Variants in SIPA1L2 observed in about 807,000 individuals in gnomAD.
SIPA1L2 encodes signal induced proliferation associated 1 like 2.
In SIPA1L2, 56 loss-of-function variants were observed where a neutral mutation model predicts 163.9. The ratio of observed to expected loss-of-function variants is 0.34; its 90% CI spans 0.28 to 0.43. The LOEUF (loss-of-function observed/expected upper bound fraction) is 0.43. SIPA1L2 is among the 20% of genes least tolerant of loss of function. The pLI is 1.00. For missense variants in SIPA1L2, 1,974 were observed against 2,193.5 expected (o/e 0.90, Z 2.00); for synonymous variants, 877 against 865.7 (o/e 1.01, Z -0.23).
At chr1:232,462,834 C>T (rs1664311826) in intron 9 of SIPA1L2, among the ~76,000 whole-genome samples, 1 of 152,198 alleles carries the variant, frequency 6.6e-6, no homozygotes, top group African/African-American at 2.4e-5. Flanking sequence ...AGTCCTCCAG[C>T]TCTGGCTCTT....
intron 2 of SIPA1L2, among the ~76,000 whole-genome samples, chr1:232,532,563 G>T (rs995290421): frequency 6.6e-6 from 1 of 152,120 alleles, no homozygotes; most frequent in Non-Finnish European, 1.5e-5. Context: ...AATAAATGCT[G>T]ACTTACCTTG....
chr1:232,512,476 C>A (rs1317639855), intron 3 of SIPA1L2, among the ~76,000 whole-genome samples: 1 of 152,082 alleles, frequency 6.6e-6, no homozygotes, highest in Admixed American at 6.5e-5. Flanking sequence ...AACCCCAATG[C>A]CCATCAATGA....
chr1:232,478,454 T>C (rs916687890), intron 7 of SIPA1L2, among the ~76,000 whole-genome samples: 1 of 151,932 alleles, frequency 6.6e-6, no homozygotes, highest in South Asian at 2.1e-4. Context: ...GAAGGGGAGG[T>C]AGTTGGCTGG....
chr1:232,422,942 G>A (rs992696227), intron 18 of SIPA1L2, among the ~76,000 whole-genome samples: 3 of 152,172 alleles, frequency 2.0e-5, no homozygotes, highest in Non-Finnish European at 2.9e-5. Context: ...ATTAAAACCT[G>A]TCTTGAGTAG....
chr1:232,465,385 G>T lies in SIPA1L2; in HGVS notation c.2275C>A (p.Pro759Thr), dbSNP rs777108018. Residue 759 changes from proline (P) to threonine (T), a missense_variant, in exon 9 of 23, where the codon CCA becomes ACA. Coordinates refer to ENST00000674635, the MANE Select transcript of SIPA1L2 (RefSeq NM_020808.5). This position sits in a 1 kb window ranked among gnomAD's most constrained non-coding sequence, Gnocchi z 4.1. The part of the protein sequence containing the change: ...VGVSRSKDVP[P>T]FGPPIPKGVT... Reference sequence around the variant, plus strand: ...CCTTTGGGAATCGGTGGGCCAAATGGTGGCACATCTTTTGATCTGGAAACT... The same window carrying T: ...CCTTTGGGAATCGGTGGGCCAAATGTTGGCACATCTTTTGATCTGGAAACT... 2 of 1,611,504 alleles carry T rather than the reference G, an allele frequency of 1.2e-6. No individual in the cohort carries two copies.
chr1:232,540,163 G>A (rs1226597990), intron 2 of SIPA1L2, among the ~76,000 whole-genome samples: 1 of 152,082 alleles, frequency 6.6e-6, no homozygotes, highest in African/African-American at 2.4e-5. Context: ...ATTTAGCCGG[G>A]CGTGGTGGTG....
At chr1:232,472,498 C>T (rs757996807) in intron 7 of SIPA1L2, among the ~76,000 whole-genome samples, 2 of 152,236 alleles carry the variant, frequency 1.3e-5, no homozygotes, top group Non-Finnish European at 2.9e-5. Flanking sequence ...TGACACATCA[C>T]ATTATGCATT....
rs183602271 is a variant in SIPA1L2 at position 232,428,999 on chromosome 1, G to A, written c.4257-435C>T. 2.4e-3 allele frequency among the ~76,000 whole-genome samples: 358 copies of A among 152,286 alleles called. 3 individuals carry two copies. Among genetic ancestry groups the A allele is most frequent in the African/African-American group, 8.2e-3 (339 of 41,554 alleles). ...AGGCAACAGAGAGGAAGCCACCCGA[G>A]GGAGCCCGGGGTTTACGAGTCATCA... On this transcript the variant is annotated intron_variant, in intron 16 of 22. Coordinates refer to ENST00000674635, the MANE Select transcript of SIPA1L2 (RefSeq NM_020808.5).
chr1:232,408,139 A>G (rs753063761), intron 19 of SIPA1L2, among the ~76,000 whole-genome samples: 9 of 152,206 alleles, frequency 5.9e-5, no homozygotes, highest in Admixed American at 1.3e-4. Flanking sequence ...TAAGAAGGAC[A>G]TGTTTTGCCC....
At chr1:232,487,497 A>ATAAC (rs1161716543) in intron 5 of SIPA1L2, among the ~76,000 whole-genome samples, 9 of 152,144 alleles carry the variant, frequency 5.9e-5, no homozygotes, top group African/African-American at 2.2e-4. Context: ...GAACCAATGA[A>ATAAC]TAACTCTGTT....
At position 232,459,662 on chromosome 1, in the gene SIPA1L2, A is replaced by C. The variant is rs892812214; in HGVS notation, c.3095+1225T>G. Among the ~76,000 whole-genome samples the C allele has an allele frequency of 2.4e-4, 36 of 151,900 alleles. 1 individual carries two copies. The highest frequency in any genetic ancestry group is 2.9e-5 in the Non-Finnish European group (2 of 67,968). On this transcript the variant is annotated intron_variant, in intron 10 of 22. Transcript: ENST00000674635. ...TGAGTAGCTGGGACTACAGGTGCAC[A>C]CTACTGCACCTGGCTAATTTTTGTA... is the stretch of plus-strand genomic sequence containing the variant.
At chr1:232,446,898 T>G (rs1466611038) in intron 10 of SIPA1L2, among the ~76,000 whole-genome samples, 1 of 152,256 alleles carries the variant, frequency 6.6e-6, no homozygotes, top group African/African-American at 2.4e-5. Flanking sequence ...AATGGACTTG[T>G]GTTTGGAGGA....
intron 19 of SIPA1L2, among the ~76,000 whole-genome samples, chr1:232,411,492 A>G (rs1340907787): frequency 6.6e-6 from 1 of 152,040 alleles, no homozygotes; most frequent in Non-Finnish European, 1.5e-5. Flanking sequence ...ACTTTTTTAT[A>G]TTTTGGATCA....
At chr1:232,455,625 G>C (rs1289451956) in intron 10 of SIPA1L2, among the ~76,000 whole-genome samples, 1 of 72,184 alleles carries the variant, frequency 1.4e-5, no homozygotes, top group Non-Finnish European at 2.6e-5. Flanking sequence ...AGCTTGCAGC[G>C]AGGCGGAGCT....
rs869070747 is a variant in SIPA1L2, at chr1:232,530,122, CTTT to C, written c.-269-14517_-269-14515del. 1.0e-4 allele frequency among the ~76,000 whole-genome samples: 15 copies of C among 145,490 alleles called. No individual in the cohort carries two copies. The East Asian group carries it at 2.8e-3, about 27-fold the overall frequency. ...GGGGCAGGAAGCCTCACCATTTATT[CTTT>C]TTTTTTTTTAGATGGAGTCTTGCTC... is the stretch of plus-strand genomic sequence containing the variant. On this transcript the variant is annotated intron_variant, in intron 2 of 22. Coordinates refer to ENST00000674635, the MANE Select transcript of SIPA1L2 (RefSeq NM_020808.5).
chr1:232,414,408 G>T (rs1403290596), intron 19 of SIPA1L2, among the ~76,000 whole-genome samples: 3 of 152,136 alleles, frequency 2.0e-5, no homozygotes, highest in African/African-American at 7.2e-5. Flanking sequence ...TCAACCTTCC[G>T]CATTTTGACT....
rs779956469 is a variant in SIPA1L2, at chr1:232,439,189, T to G, written c.3950A>C (p.His1317Pro). 1.9e-5 allele frequency: 30 copies of G among 1,613,788 alleles called. No homozygotes were observed. Among genetic ancestry groups the G allele is most frequent in the Non-Finnish European group, 2.4e-5 (28 of 1,180,052 alleles). The change falls in exon 15 of 23, where the codon CAT becomes CCT. Residue 1317 changes from histidine (H) to proline (P), a missense_variant. His to Pro is a moderately conservative substitution (Grantham distance 77, BLOSUM62 -2). Transcript: ENST00000674635. ...DDEPAKLYSV[H>P]GYASTISAGS... ...GGCGGAGATGGTGGACGCGTAGCCA[T>G]GCACAGAATATAACTTGGCTGGCTC...
At chr1:232,464,271 A>C (rs1236808226) in intron 9 of SIPA1L2, among the ~76,000 whole-genome samples, 1 of 152,240 alleles carries the variant, frequency 6.6e-6, no homozygotes, top group Non-Finnish European at 1.5e-5. Flanking sequence ...AGGGTTTTGC[A>C]CTAAAAATCA....
chr1:232,626,462 T>A (rs1663084953), intron 1 of SIPA1L2, among the ~76,000 whole-genome samples: 1 of 152,084 alleles, frequency 6.6e-6, no homozygotes, highest in African/African-American at 2.4e-5. Context: ...AAGCAGAACC[T>A]CAACAGTGAG....
Sources: gnomAD v4.1 joint callset for allele counts (sites outside exome capture counted in the v4.1 genomes callset) on GRCh38, gnomAD v4.1.1 for gene constraint, Gnocchi (gnomAD v3.1) non-coding constraint, MANE v1.5 for transcripts, NCBI Gene and HGNC (gene_info 2026-07-23, HGNC 2026-07-21) for gene names.